The following LDLRAD3 variants were observed in gnomAD, a reference collection of about 807,000 sequenced individuals.
LDLRAD3 encodes low-density lipoprotein receptor class A domain-containing protein 3.
LDLRAD3 carries 20 observed loss-of-function variants against 29.4 expected under a neutral mutation model. That is an observed-to-expected ratio of 0.68 (90% CI 0.48 to 0.99). The LOEUF (loss-of-function observed/expected upper bound fraction) is 0.99. Ranked by LOEUF, LDLRAD3 falls within the 50% of genes least tolerant of loss-of-function variation. The pLI is 0.00. For missense variants in LDLRAD3, 420 were observed against 454.3 expected, an observed-to-expected ratio of 0.92 and a Z score of 0.69; for synonymous variants, 157 against 192.7, an observed-to-expected ratio of 0.81 and a Z score of 1.53.
At chr11:36,074,340 A>G (rs1042485833) in intron 2 of LDLRAD3, among the ~76,000 whole-genome samples, 1 of 152,162 alleles carries the variant, frequency 6.6e-6, no homozygotes, top group Non-Finnish European at 1.5e-5. Context: ...TAGAGCGACT[A>G]AGGGTGGGAG....
intron 4 of LDLRAD3, among the ~76,000 whole-genome samples, chr11:36,186,059 T>A (rs1349482344): frequency 5.9e-5 from 9 of 152,192 alleles, no homozygotes; most frequent in South Asian, 2.1e-4. Flanking sequence ...CTTCCCTGAA[T>A]GAGAGAAAGT....
rs747546684 is a variant in LDLRAD3, at chr11:36,213,422, A to C, written c.455-13663A>C. On this transcript the variant is annotated intron_variant, in intron 4 of 5. Transcript: ENST00000315571. The surrounding 1 kb of genome is among the most constrained non-coding windows in gnomAD (Gnocchi z 4.1). ...TTTAAATTAAACTTTTTCAATCCGC[A>C]TCTAAATTGGGATGGGTGATGTGCT... 1.3e-5 allele frequency among the ~76,000 whole-genome samples: 2 copies of C among 152,176 alleles called. No homozygotes were observed. Among genetic ancestry groups the C allele is most frequent in the Non-Finnish European group, 2.9e-5 (2 of 68,028 alleles).
At chr11:36,206,889 G>T (rs954164980) in intron 4 of LDLRAD3, among the ~76,000 whole-genome samples, 2 of 151,780 alleles carry the variant, frequency 1.3e-5, no homozygotes, top group Non-Finnish European at 2.9e-5. Context: ...CACCAAGCCC[G>T]GGTAATTTCT....
At chr11:36,151,839 C>T (rs935235730) in intron 4 of LDLRAD3, among the ~76,000 whole-genome samples, 1 of 152,200 alleles carries the variant, frequency 6.6e-6, no homozygotes, top group Non-Finnish European at 1.5e-5. Flanking sequence ...TCCCAGCCCA[C>T]TGAGTACTAT....
chr11:36,145,167 C>A (rs1375993991), intron 4 of LDLRAD3, among the ~76,000 whole-genome samples: 1 of 125,284 alleles, frequency 8.0e-6, no homozygotes, highest in African/African-American at 3.2e-5. Context: ...GGGGGGTCAG[C>A]CCCCCGCCCG....
chr11:36,159,625 A>AAAT (rs756902228), intron 4 of LDLRAD3, among the ~76,000 whole-genome samples: 30,973 of 132,554 alleles, frequency 0.23, 4,545 homozygotes, highest in East Asian at 0.35. Context: ...AAAAAAAAAA[A>AAAT]AGCCAGATGT....
rs900071203 is a variant in LDLRAD3 at position 36,100,560 on chromosome 11, C to T, written c.454+2099C>T. Among the ~76,000 whole-genome samples the T allele has an allele frequency of 2.6e-4, 40 of 152,188 alleles. 1 individual carries two copies. The highest frequency in any genetic ancestry group is 2.9e-5 in the Non-Finnish European group (2 of 68,028). On this transcript the variant is annotated intron_variant, in intron 4 of 5. Transcript: ENST00000315571. The stretch of plus-strand genomic sequence containing the variant: ...GTTCAAGCGATTCTCCTGCCTCAGC[C>T]TCCCAAGTAGCTGGGACTACAGGCG...
intron 1 of LDLRAD3, among the ~76,000 whole-genome samples, chr11:36,016,865 G>C (rs929407637): frequency 3.3e-5 from 5 of 152,148 alleles, no homozygotes; most frequent in Admixed American, 2.6e-4. Context: ...TCTAACTCCT[G>C]AATTCTTTTT....
intron 4 of LDLRAD3, among the ~76,000 whole-genome samples, chr11:36,205,752 T>C (rs1402331435): frequency 6.6e-6 from 1 of 152,248 alleles, no homozygotes; most frequent in Admixed American, 6.5e-5. Context: ...TGAGTCTCCC[T>C]TTATCTCCCT....
At chr11:36,226,748 C>T (rs911106114) in intron 4 of LDLRAD3, among the ~76,000 whole-genome samples, 3 of 152,206 alleles carry the variant, frequency 2.0e-5, no homozygotes, top group Non-Finnish European at 4.4e-5. Flanking sequence ...GTAAAATTGC[C>T]TTTCCTGGAA....
intron 4 of LDLRAD3, among the ~76,000 whole-genome samples, chr11:36,160,268 G>T (rs1001143048): frequency 3.9e-5 from 6 of 152,144 alleles, no homozygotes; most frequent in African/African-American, 1.4e-4. Context: ...TCTGCCCTTT[G>T]TGTGGGCCAG....
In LDLRAD3 at chr11:36,036,186, C is replaced by G. The variant is rs1852302156; in HGVS notation, c.130C>G (p.Pro44Ala). The G allele has an allele frequency of 6.2e-7, 1 of 1,614,058 alleles. No homozygotes were observed. The highest frequency in any genetic ancestry group is 1.7e-5 in the Admixed American group (1 of 60,010). ...CATGTGCAGCAATGGACGGTGCATC[C>G]CGGGCGCCTGGCAGTGTGACGGGCT... ...NFMCSNGRCIPGAWQCDGLPD... is the reference protein window; with the variant it reads ...NFMCSNGRCIAGAWQCDGLPD... Residue 44 changes from proline to alanine, a missense_variant, in exon 2 of 6, where the codon CCG becomes GCG. By Grantham distance (27) the Pro-to-Ala change is conservative. Transcript: ENST00000315571.
chr11:36,162,857 G>A (rs1176239145), intron 4 of LDLRAD3, among the ~76,000 whole-genome samples: 1 of 152,190 alleles, frequency 6.6e-6, no homozygotes, highest in Non-Finnish European at 1.5e-5. Flanking sequence ...TCTCATGACA[G>A]TCTCCCTTTC....
rs11033379 is a variant in LDLRAD3 at position 36,025,148 on chromosome 11, C to T, written c.47-10955C>T. On this transcript the variant is annotated intron_variant, in intron 1 of 5. Transcript: ENST00000315571. ...TATGAATGCTTGCCCCCTTTTATCT[C>T]GCATTCCTTTGTAGTTGGTGGGGTT... 7.2e-3 allele frequency among the ~76,000 whole-genome samples: 1,091 copies of T among 152,238 alleles called. 13 individuals are homozygous for T. Among genetic ancestry groups the T allele is most frequent in the African/African-American group, 0.024 (999 of 41,544 alleles).
intron 1 of LDLRAD3, among the ~76,000 whole-genome samples, chr11:36,023,407 A>C (rs75794705): frequency 0.014 from 2,139 of 152,190 alleles, 31 homozygotes; most frequent in East Asian, 0.072. Context: ...CAGAGTTGTA[A>C]AGTGCAGAGG....
chr11:36,210,276 G>A lies in LDLRAD3; in HGVS notation c.455-16809G>A, dbSNP rs554409139. The stretch of plus-strand genomic sequence containing the variant: ...TCATCTTTGTATCACATCAGACGGT[G>A]TAGGTCCTTTTATTCCTCTTCCTAA... On this transcript the variant is annotated intron_variant, in intron 4 of 5. Coordinates refer to ENST00000315571, the MANE Select transcript of LDLRAD3 (RefSeq NM_174902.4). Among the ~76,000 whole-genome samples the A allele has an allele frequency of 7.2e-5, 11 of 152,288 alleles. No individual in the cohort carries two copies. In the East Asian group the frequency reaches 1.2e-3, roughly 16 times the overall value.
chr11:35,948,239 G>A (rs113772078), intron 1 of LDLRAD3, among the ~76,000 whole-genome samples: 3 of 152,300 alleles, frequency 2.0e-5, no homozygotes, highest in Non-Finnish European at 4.4e-5. Context: ...GCCTTGGAGT[G>A]ATGGAACTGT....
chr11:36,077,834 T>C (rs2133253585), intron 2 of LDLRAD3, among the ~76,000 whole-genome samples: 1 of 152,280 alleles, frequency 6.6e-6, no homozygotes, highest in African/African-American at 2.4e-5. Context: ...TGCGACATGG[T>C]GGGCAAACAG....
intron 4 of LDLRAD3, among the ~76,000 whole-genome samples, chr11:36,174,454 C>T (rs948418136): frequency 2.0e-5 from 3 of 151,856 alleles, no homozygotes; most frequent in African/African-American, 7.3e-5. Flanking sequence ...AAAATTTTTG[C>T]AATCTACTCA....
Sources: gnomAD v4.1 joint callset for allele counts (sites outside exome capture counted in the v4.1 genomes callset) on GRCh38, gnomAD v4.1.1 for gene constraint, Gnocchi (gnomAD v3.1) non-coding constraint, MANE v1.5 for transcripts, NCBI Gene and HGNC (gene_info 2026-07-23, HGNC 2026-07-21) for gene names.